Variants in TMEM209 observed in about 807,000 individuals in gnomAD.
TMEM209 encodes the protein testicular tissue protein Li 202.
TMEM209 carries 65 observed loss-of-function variants against 76.2 expected under a neutral mutation model. The ratio of observed to expected loss-of-function variants is 0.85; its 90% CI spans 0.70 to 1.05. TMEM209 has a LOEUF of 1.05. Among genes scored for constraint, TMEM209 ranks in the 50% least tolerant of loss-of-function variants. The probability of loss-of-function intolerance (pLI) is 0.00; values close to 1 mark genes in which losing one functional copy is unlikely to be tolerated. For missense variants in TMEM209, 623 were observed against 685.5 expected, an observed-to-expected ratio of 0.91 and a Z score of 1.02; for synonymous variants, 239 against 237.6, an observed-to-expected ratio of 1.01 and a Z score of -0.06.
In TMEM209 at chr7:130,198,858, C is replaced by T. The variant is rs541390985; in HGVS notation, c.573+2992G>A. Among the ~76,000 whole-genome samples, 225 of 152,152 alleles carry T rather than the reference C, an allele frequency of 1.5e-3. 1 individual carries two copies. Among genetic ancestry groups the T allele is most frequent in the Non-Finnish European group, 2.6e-3 (175 of 67,992 alleles). ...ACAATGTGTACAATTTCATGAACAT[C>T]TCAAATAGAAAGGTACAATATTCAA... On this transcript the variant is annotated intron_variant, in intron 5 of 14. Transcript: ENST00000397622.
At chr7:130,197,428 G>C (rs1798025668) in intron 5 of TMEM209, among the ~76,000 whole-genome samples, 1 of 152,160 alleles carries the variant, frequency 6.6e-6, no homozygotes. Context: ...ATCAAATTCA[G>C]AGACAGAACA....
intron 6 of TMEM209, among the ~76,000 whole-genome samples, chr7:130,190,572 A>C (rs1260781998): frequency 6.7e-6 from 1 of 148,990 alleles, no homozygotes. Flanking sequence ...ACTGTATTAC[A>C]GTAAAAAAAA....
At chr7:130,184,466 T>C (rs369456026) in intron 7 of TMEM209, among the ~76,000 whole-genome samples, 2 of 151,354 alleles carry the variant, frequency 1.3e-5, no homozygotes, top group East Asian at 1.9e-4. Flanking sequence ...GTTCCTTACA[T>C]TGGTATGTGT....
chr7:130,193,499 A>T (rs533715055), intron 5 of TMEM209, among the ~76,000 whole-genome samples: 16 of 152,082 alleles, frequency 1.1e-4, no homozygotes, highest in African/African-American at 3.6e-4. Flanking sequence ...AGATCGCGCG[A>T]CTGCACTCCA....
chr7:130,188,402 C>T (rs1288440445), intron 6 of TMEM209, among the ~76,000 whole-genome samples: 1 of 151,934 alleles, frequency 6.6e-6, no homozygotes, highest in African/African-American at 2.4e-5. Context: ...CGAGACCATC[C>T]TGGCTAACAT....
rs1364886700 is a variant in TMEM209 at position 130,173,629 on chromosome 7, T to C, written c.1557+3A>G. On this transcript the variant is annotated splice_donor_region_variant and intron_variant, in intron 13 of 14. Coordinates refer to ENST00000397622, the MANE Select transcript of TMEM209 (RefSeq NM_032842.4). ...TAACAGCATCTTCTCTATATAGAAA[T>C]ACCTTTGGCAGGTTGTATACATGAC... The C allele has an allele frequency of 6.2e-7, 1 of 1,605,320 alleles. No homozygotes were observed. Among genetic ancestry groups the C allele is most frequent in the Non-Finnish European group, 8.5e-7 (1 of 1,174,230 alleles).
intron 6 of TMEM209, among the ~76,000 whole-genome samples, chr7:130,191,701 A>G (rs1205281545): frequency 6.6e-6 from 1 of 152,204 alleles, no homozygotes. Context: ...AACAATAATA[A>G]TATTACTTCT....
chr7:130,199,367 G>A (rs766739031), intron 5 of TMEM209, among the ~76,000 whole-genome samples: 1 of 151,862 alleles, frequency 6.6e-6, no homozygotes, highest in Non-Finnish European at 1.5e-5. Flanking sequence ...ACAGGCGCCC[G>A]CCACCACACC....
intron 13 of TMEM209, among the ~76,000 whole-genome samples, chr7:130,170,851 T>C (rs552261241): frequency 1.3e-5 from 2 of 150,818 alleles, no homozygotes; most frequent in East Asian, 3.9e-4. Context: ...TTTTTTGAGA[T>C]GGAGTCTCGC....
At chr7:130,176,718 T>C (rs928606124) in intron 10 of TMEM209, among the ~76,000 whole-genome samples, 1 of 152,274 alleles carries the variant, frequency 6.6e-6, no homozygotes, top group East Asian at 1.9e-4. Flanking sequence ...GGGAAGCATA[T>C]AGCTTAAAAT....
intron 6 of TMEM209, among the ~76,000 whole-genome samples, chr7:130,190,243 C>G (rs1336873486): frequency 6.6e-6 from 1 of 152,142 alleles, no homozygotes; most frequent in East Asian, 1.9e-4. Flanking sequence ...TTGGGCCAGG[C>G]GCGGTGGCTC....
chr7:130,170,591 CTTTCA>C (rs994195411), intron 13 of TMEM209, 118 bp from the exon 14 acceptor site: 3 of 792,076 alleles, frequency 3.8e-6, no homozygotes, highest in Non-Finnish European at 6.0e-6. Flanking sequence ...ATAATTCAGA[CTTTCA>C]TTTATTTATT....
intron 6 of TMEM209, among the ~76,000 whole-genome samples, chr7:130,188,472 T>C (rs1208523889): frequency 3.3e-5 from 5 of 151,664 alleles, no homozygotes; most frequent in Non-Finnish European, 5.9e-5. Context: ...GGCAGGCACC[T>C]GTAGTCCCAG....
At chr7:130,167,375 AAAT>A (rs1796914203) in intron 14 of TMEM209, among the ~76,000 whole-genome samples, 2 of 152,116 alleles carry the variant, frequency 1.3e-5, no homozygotes, top group Admixed American at 6.6e-5. Context: ...CTGACACTAC[AAAT>A]AATATCAAAT....
At chr7:130,195,721 C>T (rs748207220) in intron 5 of TMEM209, among the ~76,000 whole-genome samples, 3 of 150,124 alleles carry the variant, frequency 2.0e-5, no homozygotes, top group Non-Finnish European at 3.0e-5. Flanking sequence ...TATGTTTTTT[C>T]GGTTTGTTTT....
intron 6 of TMEM209, among the ~76,000 whole-genome samples, chr7:130,186,788 C>T (rs920506918): frequency 1.2e-4 from 19 of 152,050 alleles, no homozygotes; most frequent in African/African-American, 4.6e-4. Context: ...CCATCACCAC[C>T]ACCACCACCA....
At chr7:130,180,817 G>T (rs1013755769) in intron 9 of TMEM209, among the ~76,000 whole-genome samples, 8 of 152,318 alleles carry the variant, frequency 5.3e-5, no homozygotes, top group African/African-American at 1.9e-4. Context: ...TATGACAAGT[G>T]TTGCAAGGAT....
At chr7:130,199,362 C>T (rs943002604) in intron 5 of TMEM209, among the ~76,000 whole-genome samples, 30 of 152,018 alleles carry the variant, frequency 2.0e-4, no homozygotes, top group Non-Finnish European at 2.4e-4. Flanking sequence ...CGACTACAGG[C>T]GCCCGCCACC....
chr7:130,178,452 T>C lies in TMEM209; in HGVS notation c.1196A>G (p.Gln399Arg). 1 of 1,613,770 alleles carries C rather than the reference T, an allele frequency of 6.2e-7. No homozygotes were observed. Among genetic ancestry groups the C allele is most frequent in the Non-Finnish European group, 8.5e-7 (1 of 1,179,778 alleles). The change falls in exon 10 of 15, where the codon CAG becomes CGG. Residue 399 changes from glutamine to arginine, a missense_variant. Gln to Arg is a conservative substitution (Grantham distance 43). Transcript: ENST00000397622. Reference protein sequence around the residue: ...PLIPTLNTIVQYLDLTPNQEY... With the variant: ...PLIPTLNTIVRYLDLTPNQEY... ...CTGATTTGGAGTAAGGTCTAGATAC[T>C]GAACGATTGTGTTCAAAGTCGGAAT...
Sources: allele counts gnomAD v4.1 joint callset (sites outside exome capture counted in the v4.1 genomes callset), GRCh38; gene constraint gnomAD v4.1.1; transcripts MANE v1.5; gene names NCBI Gene and HGNC (gene_info 2026-07-23, HGNC 2026-07-21).